The following NR3C2 variants were observed in gnomAD, a reference collection of about 807,000 sequenced individuals.
The protein encoded by NR3C2 is mineralocorticoid receptor.
NR3C2 carries 15 observed loss-of-function variants against 86.4 expected under a neutral mutation model. The observed-to-expected ratio is 0.17, with a 90% CI of 0.12 to 0.27. The LOEUF (loss-of-function observed/expected upper bound fraction) is 0.27. Ranked by LOEUF, NR3C2 falls within the 10% of genes least tolerant of loss-of-function variation. NR3C2 has a pLI of 1.00. For missense variants in NR3C2, 960 were observed against 1,195.6 expected (o/e 0.80, Z 2.91); for synonymous variants, 458 against 450.5 (o/e 1.02, Z -0.21).
chr4:148,240,997 C>G (rs1739001605), intron 3 of NR3C2, among the ~76,000 whole-genome samples: 1 of 151,988 alleles, frequency 6.6e-6, no homozygotes, highest in South Asian at 2.1e-4. Flanking sequence ...GCTTGCTTCC[C>G]AACGCCTTTA....
intron 5 of NR3C2, among the ~76,000 whole-genome samples, chr4:148,153,352 A>G (rs1005753214): frequency 6.6e-6 from 1 of 152,100 alleles, no homozygotes; most frequent in African/African-American, 2.4e-5. Context: ...TAAATTTTGT[A>G]TTTTTAGTAG....
At chr4:148,127,748 G>A (rs1732820684) in intron 6 of NR3C2, among the ~76,000 whole-genome samples, 1 of 152,128 alleles carries the variant, frequency 6.6e-6, no homozygotes, top group East Asian at 1.9e-4. Flanking sequence ...TCCAGAGGTT[G>A]GGTTAAAATG....
At chr4:148,312,481 C>T (rs964187147) in intron 2 of NR3C2, among the ~76,000 whole-genome samples, 8 of 152,132 alleles carry the variant, frequency 5.3e-5, no homozygotes, top group East Asian at 3.9e-4. Flanking sequence ...TTACCATTAT[C>T]GAAATAGCAC....
At chr4:148,141,330 AGGCTGAGGCAGGAGAAT>A (rs905257989) in intron 6 of NR3C2, among the ~76,000 whole-genome samples, 18 of 152,036 alleles carry the variant, frequency 1.2e-4, no homozygotes, top group Non-Finnish European at 2.2e-4. Context: ...GCTACTCGGG[AGGCTGAGGCAGGAGAAT>A]CACTTGAACC....
intron 2 of NR3C2, among the ~76,000 whole-genome samples, chr4:148,355,247 A>C (rs1745494960): frequency 1.3e-5 from 2 of 152,204 alleles, no homozygotes; most frequent in Admixed American, 1.3e-4. Flanking sequence ...GAGTAGTGCC[A>C]GAGATTAGAG....
chr4:148,110,556 G>T (rs1251658272), intron 8 of NR3C2, among the ~76,000 whole-genome samples: 1 of 152,202 alleles, frequency 6.6e-6, no homozygotes, highest in East Asian at 1.9e-4. Flanking sequence ...GCTGTAGGCA[G>T]TCTCAAGTCT....
chr4:148,224,973 G>C (rs1009639198), intron 3 of NR3C2, among the ~76,000 whole-genome samples: 5 of 152,086 alleles, frequency 3.3e-5, no homozygotes, highest in African/African-American at 1.2e-4. Context: ...CTGCAGCAAG[G>C]CAAAACTGAT....
intron 4 of NR3C2, among the ~76,000 whole-genome samples, chr4:148,157,030 T>A (rs965991232): frequency 3.3e-5 from 5 of 151,418 alleles, no homozygotes; most frequent in African/African-American, 1.2e-4. Context: ...TTGGAAATCA[T>A]CATTCTCAGT....
chr4:148,127,614 C>G (rs113748371), intron 6 of NR3C2, among the ~76,000 whole-genome samples: 1 of 152,156 alleles, frequency 6.6e-6, no homozygotes, highest in African/African-American at 2.4e-5. Flanking sequence ...ACTTAAGAAC[C>G]GTGAGTACTA....
intron 7 of NR3C2, among the ~76,000 whole-genome samples, chr4:148,115,544 T>C (rs1048867955): frequency 6.6e-6 from 1 of 152,236 alleles, no homozygotes; most frequent in Non-Finnish European, 1.5e-5. Flanking sequence ...GTGTAAATAA[T>C]TATTTACTTT....
intron 3 of NR3C2, among the ~76,000 whole-genome samples, chr4:148,238,870 A>G (rs3846316): frequency 0.15 from 22,765 of 152,232 alleles, 2,132 homozygotes; most frequent in Admixed American, 0.24. Flanking sequence ...GACACACAGG[A>G]GTCAAGGAAG....
chr4:148,247,683 A>G (rs1030690787), intron 3 of NR3C2, among the ~76,000 whole-genome samples: 7 of 151,688 alleles, frequency 4.6e-5, no homozygotes, highest in Non-Finnish European at 8.8e-5. Flanking sequence ...CCTAGTCCAT[A>G]GTAAGCACTC....
intron 2 of NR3C2, among the ~76,000 whole-genome samples, chr4:148,324,498 A>G (rs1743850569): frequency 6.6e-6 from 1 of 152,160 alleles, no homozygotes; most frequent in East Asian, 1.9e-4. Flanking sequence ...AGAGGCAGAG[A>G]GTAGAAGAGT....
At chr4:148,351,989 T>G (rs1745304336) in intron 2 of NR3C2, among the ~76,000 whole-genome samples, 1 of 152,190 alleles carries the variant, frequency 6.6e-6, no homozygotes, top group African/African-American at 2.4e-5. Flanking sequence ...AATGTGTGGT[T>G]GAAAAATGAG....
chr4:148,190,093 T>C (rs1736125009), intron 4 of NR3C2, among the ~76,000 whole-genome samples: 2 of 152,174 alleles, frequency 1.3e-5, no homozygotes, highest in Non-Finnish European at 2.9e-5. Flanking sequence ...TGGGTTTGGT[T>C]TGTTCTTGTT....
At chr4:148,272,275 G>A (rs1740724892) in intron 2 of NR3C2, among the ~76,000 whole-genome samples, 1 of 152,156 alleles carries the variant, frequency 6.6e-6, no homozygotes, top group Admixed American at 6.5e-5. Flanking sequence ...TTACAAAAAT[G>A]TATCAAGCCT....
At chr4:148,434,693 A>T (rs1749949761) in intron 2 of NR3C2, among the ~76,000 whole-genome samples, 1 of 151,990 alleles carries the variant, frequency 6.6e-6, no homozygotes, top group Non-Finnish European at 1.5e-5. Context: ...AAGCCATAAT[A>T]AAAAAAAGGA....
intron 4 of NR3C2, among the ~76,000 whole-genome samples, chr4:148,180,215 G>C (rs1278359025): frequency 6.6e-6 from 1 of 151,772 alleles, no homozygotes; most frequent in Non-Finnish European, 1.5e-5. Context: ...ATGCCAACTA[G>C]TTGTAACAAG....
chr4:148,343,858 T>A (rs1162330915), intron 2 of NR3C2, among the ~76,000 whole-genome samples: 1 of 152,094 alleles, frequency 6.6e-6, no homozygotes, highest in South Asian at 2.1e-4. Context: ...TGGGGTTAAA[T>A]TACAACTGCT....
Sources: allele counts gnomAD v4.1 joint callset (sites outside exome capture counted in the v4.1 genomes callset), GRCh38; gene constraint gnomAD v4.1.1; transcripts MANE v1.5; gene names NCBI Gene and HGNC (gene_info 2026-07-23, HGNC 2026-07-21).